Variants in XYLT1 observed in about 807,000 individuals in gnomAD.
The protein encoded by XYLT1 is beta-D-xylosyltransferase 1.
In XYLT1, 36 loss-of-function variants were observed where a neutral mutation model predicts 91.3. The ratio of observed to expected loss-of-function variants is 0.39; its 90% CI spans 0.30 to 0.52. XYLT1 has a LOEUF of 0.52. XYLT1 is among the 20% of genes least tolerant of loss of function. XYLT1 has a pLI of 0.68. For synonymous variants in XYLT1, 588 were observed against 532.0 expected (o/e 1.11, Z -1.45); for missense variants, 1,242 against 1,284.5 (o/e 0.97, Z 0.51).
At chr16:17,402,116 T>C (rs1175409789) in intron 1 of XYLT1, among the ~76,000 whole-genome samples, 5 of 146,906 alleles carry the variant, frequency 3.4e-5, no homozygotes, top group Non-Finnish European at 7.5e-5. Flanking sequence ...CTGGACAACA[T>C]AGCAAAGCCC....
chr16:17,423,836 G>T (rs756699678), intron 1 of XYLT1, among the ~76,000 whole-genome samples: 19 of 152,036 alleles, frequency 1.2e-4, no homozygotes, highest in Non-Finnish European at 2.1e-4. Context: ...GGATGGTCTC[G>T]ATCCCTTGAC....
rs369274482 is a variant in XYLT1, at chr16:17,235,398, C to G, written c.913+23590G>C. 1.8e-4 allele frequency among the ~76,000 whole-genome samples: 28 copies of G among 151,444 alleles called. No homozygotes were observed. The East Asian group carries it at 3.3e-3, about 18-fold the overall frequency. On this transcript the variant is annotated intron_variant, in intron 3 of 11. Coordinates refer to ENST00000261381, the MANE Select transcript of XYLT1 (RefSeq NM_022166.4). Reference sequence around the variant, plus strand: ...TCTTCTCTCCAGTCCTCCCACCCATCCTGCAAAAGGACGTACCAGTATCCC... The same window carrying G: ...TCTTCTCTCCAGTCCTCCCACCCATGCTGCAAAAGGACGTACCAGTATCCC...
rs10606202 is a variant in XYLT1, at chr16:17,321,342, C to CTTTTTTTTTTTTTT, written c.402+36656_402+36669dup. ...GACAGTTCCCAAAGTACTAACTAGC[C>CTTTTTTTTTTTTTT]TTTTTTTTTTTTTTTTTTTTTTTTT... On this transcript the variant is annotated intron_variant, in intron 2 of 11. Transcript: ENST00000261381. Among the ~76,000 whole-genome samples, 12 of 43,624 alleles carry CTTTTTTTTTTTTTT rather than the reference C, an allele frequency of 2.8e-4. 2 individuals are homozygous for CTTTTTTTTTTTTTT. Among genetic ancestry groups the CTTTTTTTTTTTTTT allele is most frequent in the Admixed American group, 3.9e-4 (1 of 2,540 alleles). The allele number at this position is 43,624 out of a possible 152,430, so 28.6% of individuals were successfully genotyped here.
intron 3 of XYLT1, among the ~76,000 whole-genome samples, chr16:17,253,588 T>C (rs1176741941): frequency 2.6e-5 from 4 of 152,164 alleles, no homozygotes; most frequent in Non-Finnish European, 5.9e-5. Context: ...AGCTGTGTAC[T>C]AGGCCCTTGG....
At chr16:17,383,747 A>ATTTTTTTTT (rs1596516398) in intron 1 of XYLT1, among the ~76,000 whole-genome samples, 2 of 106,698 alleles carry the variant, frequency 1.9e-5, no homozygotes, top group Non-Finnish European at 4.5e-5. Flanking sequence ...CCAAAGTGGA[A>ATTTTTTTTT]TTTTCTTTTT....
chr16:17,308,751 A>G (rs1330446529), intron 2 of XYLT1, among the ~76,000 whole-genome samples: 1 of 152,198 alleles, frequency 6.6e-6, no homozygotes, highest in Non-Finnish European at 1.5e-5. Context: ...GTTGCTATGA[A>G]GATTAGAAAT....
Position 17,166,492 on chromosome 16 carries a change from G to T in XYLT1, c.1290-7583C>A, listed in dbSNP as rs114566951. Among the ~76,000 whole-genome samples, 674 of 152,060 alleles carry T rather than the reference G, an allele frequency of 4.4e-3. 6 individuals are homozygous for T. Among genetic ancestry groups the T allele is most frequent in the African/African-American group, 0.016 (650 of 41,470 alleles). ...CAGCACAGACAGTACCTGCCCCATG[G>T]GAAGGGCTCAGTCCATCATTCACTT... On this transcript the variant is annotated intron_variant, in intron 5 of 11. Transcript: ENST00000261381.
At chr16:17,165,345 C>A (rs544816328) in intron 5 of XYLT1, among the ~76,000 whole-genome samples, 2 of 152,158 alleles carry the variant, frequency 1.3e-5, no homozygotes, top group African/African-American at 4.8e-5. Context: ...CTCATCAGCA[C>A]GTACAGGCAG....
chr16:17,115,134 C>T (rs757464871), intron 11 of XYLT1, among the ~76,000 whole-genome samples: 1 of 151,876 alleles, frequency 6.6e-6, no homozygotes, highest in Non-Finnish European at 1.5e-5. Flanking sequence ...GTGACCACCG[C>T]ACCCGGCTGG....
At chr16:17,229,113 A>G (rs544871157) in intron 3 of XYLT1, among the ~76,000 whole-genome samples, 1 of 152,210 alleles carries the variant, frequency 6.6e-6, no homozygotes, top group African/African-American at 2.4e-5. Flanking sequence ...GGGATTACCA[A>G]TGAGTGCCAC....
intron 1 of XYLT1, among the ~76,000 whole-genome samples, chr16:17,410,014 C>A (rs925047206): frequency 2.0e-5 from 3 of 152,184 alleles, no homozygotes; most frequent in South Asian, 4.1e-4. Flanking sequence ...TGTGGGTGAT[C>A]ATGTCCCAAC....
chr16:17,456,037 T>C (rs141492053), intron 1 of XYLT1, among the ~76,000 whole-genome samples: 184 of 152,346 alleles, frequency 1.2e-3, no homozygotes, highest in African/African-American at 4.1e-3. Context: ...ATCAAAATAT[T>C]ACGTGTCAGG....
In XYLT1 at chr16:17,176,688, C is replaced by T. The variant is rs188072232; in HGVS notation, c.1290-17779G>A. ...TAAGGTATGCTGCAGAAAAGCTCAA[C>T]ACCAAGAGAAAATAATAGCAACAAA... is the stretch of plus-strand genomic sequence containing the variant. On this transcript the variant is annotated intron_variant, in intron 5 of 11. Transcript: ENST00000261381. 2.6e-3 allele frequency among the ~76,000 whole-genome samples: 397 copies of T among 152,312 alleles called. 3 individuals are homozygous for T. The highest frequency in any genetic ancestry group is 9.3e-3 in the African/African-American group (386 of 41,568).
Position 17,420,248 on chromosome 16 carries a change from G to A in XYLT1, c.363+50186C>T, listed in dbSNP as rs547345333. On this transcript the variant is annotated intron_variant, in intron 1 of 11. Transcript: ENST00000261381. ...GTTATACACATAATTTTTTAATTTC[G>A]TATTTTCAAGAAATGATAGACCCTA... Among the ~76,000 whole-genome samples the A allele has an allele frequency of 2.0e-4, 31 of 152,174 alleles. 1 individual carries two copies. In the South Asian group the frequency reaches 4.4e-3, roughly 21 times the overall value.
In XYLT1 at chr16:17,347,098, G is replaced by A. The variant is rs548688128; in HGVS notation, c.402+10914C>T. On this transcript the variant is annotated intron_variant, in intron 2 of 11. Transcript: ENST00000261381. Reference sequence around the variant, plus strand: ...AAGCAGCTACGCGCTGGCCCTCCCTGTTGGCTCTCAGAGGTACAAACCAGA... The same window carrying A: ...AAGCAGCTACGCGCTGGCCCTCCCTATTGGCTCTCAGAGGTACAAACCAGA... Among the ~76,000 whole-genome samples the A allele has an allele frequency of 3.9e-5, 6 of 152,322 alleles. No individual in the cohort carries two copies. The South Asian group carries it at 6.2e-4, about 16-fold the overall frequency.
intron 3 of XYLT1, among the ~76,000 whole-genome samples, chr16:17,241,879 G>A (rs938841882): frequency 3.3e-5 from 5 of 152,166 alleles, no homozygotes; most frequent in Admixed American, 1.3e-4. Flanking sequence ...AGTCATACCC[G>A]AGACTGGGTA....
intron 1 of XYLT1, among the ~76,000 whole-genome samples, chr16:17,393,723 G>T (rs999843754): frequency 2.0e-5 from 3 of 151,806 alleles, no homozygotes; most frequent in Admixed American, 6.6e-5. Context: ...AGACCAGCCT[G>T]GGAAACATAG....
At chr16:17,433,298 T>C (rs1177689846) in intron 1 of XYLT1, among the ~76,000 whole-genome samples, 3 of 152,160 alleles carry the variant, frequency 2.0e-5, no homozygotes, top group Admixed American at 6.5e-5. Context: ...CCCATGTGCT[T>C]GGAAGGAAAT....
intron 1 of XYLT1, among the ~76,000 whole-genome samples, chr16:17,429,943 T>C (rs1396251993): frequency 4.0e-5 from 6 of 149,772 alleles, no homozygotes; most frequent in Admixed American, 4.0e-4. Flanking sequence ...TTTTTTTTTT[T>C]TTTTTTTTTT....
Sources: gnomAD v4.1 joint callset for allele counts (sites outside exome capture counted in the v4.1 genomes callset) on GRCh38, gnomAD v4.1.1 for gene constraint, MANE v1.5 for transcripts, NCBI Gene and HGNC (gene_info 2026-07-23, HGNC 2026-07-21) for gene names.